Variants in AKNA observed in about 807,000 individuals in gnomAD.
AKNA encodes the protein microtubule organization protein AKNA.
A neutral mutation model predicts 138.8 loss-of-function variants in AKNA; 67 were observed. The ratio of observed to expected loss-of-function variants is 0.48; its 90% CI spans 0.40 to 0.59. The LOEUF (loss-of-function observed/expected upper bound fraction) is 0.59. Ranked by LOEUF, AKNA falls within the 20% of genes least tolerant of loss-of-function variation. The probability of loss-of-function intolerance (pLI) is 0.00; values close to 1 mark genes in which losing one functional copy is unlikely to be tolerated. For missense variants in AKNA, 1,813 were observed against 1,880.4 expected (o/e 0.96, Z 0.66); for synonymous variants, 737 against 754.4 (o/e 0.98, Z 0.38).
chr9:114,361,218 C>T (rs1159681186), intron 9 of AKNA, among the ~76,000 whole-genome samples: 1 of 152,180 alleles, frequency 6.6e-6, no homozygotes, highest in African/African-American at 2.4e-5. Flanking sequence ...TTTTTCCTTT[C>T]TCTTCCCATA....
Position 114,356,077 on chromosome 9 carries a change from T to C in AKNA, c.2906A>G (p.Tyr969Cys), listed in dbSNP as rs1256673635. Reference sequence around the variant, plus strand: ...AATCAGAGAACCCCTGGCCTTGGGGTAGGAAGCTCCATCCCTGGGCACAGA... The same window carrying C: ...AATCAGAGAACCCCTGGCCTTGGGGCAGGAAGCTCCATCCCTGGGCACAGA... ...AASVPRDGAS[Y>C]PKARGSLIPR... is the part of the protein sequence containing the mutation. The change falls in exon 14 of 22, where the codon TAC (tyrosine) becomes TGC (cysteine). Residue 969 changes from tyrosine to cysteine, a missense_variant. Transcript: ENST00000374088. 6.2e-7 allele frequency: 1 copy of C among 1,614,006 alleles called. No individual in the cohort carries two copies. The highest frequency in any genetic ancestry group is 1.7e-5 in the Admixed American group (1 of 59,998).
At chr9:114,362,605 A>G (rs1216025459) in intron 7 of AKNA, 72 bp from the exon 8 acceptor site, 2 of 1,524,352 alleles carry the variant, frequency 1.3e-6, no homozygotes, top group Non-Finnish European at 8.8e-7. Flanking sequence ...GACACAGTGG[A>G]TGAGACAGCT....
chr9:114,330,702 C>A, downstream of AKNA: 9 of 1,597,192 alleles, frequency 5.6e-6, no homozygotes, highest in East Asian at 2.2e-5. Context: ...TTAATCTCCA[C>A]CAGACTCTTG....
downstream of AKNA, among the ~76,000 whole-genome samples, chr9:114,331,276 T>C (rs562072398): frequency 2.8e-4 from 42 of 152,154 alleles, no homozygotes; most frequent in Admixed American, 9.2e-4. Flanking sequence ...TGAACTGACA[T>C]CATTTAGCAT....
chr9:114,380,981 C>CAAAA lies in AKNA; in HGVS notation c.274+75_274+78dup, dbSNP rs34055519. 1.1e-4 allele frequency: 117 copies of CAAAA among 1,110,228 alleles called. No homozygotes were observed. In the African/African-American group the frequency reaches 1.2e-3, roughly 11 times the overall value. The allele number at this position is 1,110,228 out of a possible 1,614,324, so 68.8% of individuals were successfully genotyped here. A position where few individuals can be genotyped will look rare whatever the true frequency, so the allele number is the denominator to read the frequency against. ...CTGGCAATGAAGCAAGACTCTGTCTCAAAAAAAAAAAAAAAAAAAAGAACG... is the reference window on the plus strand; with the variant it reads ...CTGGCAATGAAGCAAGACTCTGTCTCAAAAAAAAAAAAAAAAAAAAAAAAGAACG... On this transcript the variant is annotated intron_variant, in intron 2 of 21. Coordinates refer to ENST00000374088, the MANE Select transcript of AKNA (RefSeq NM_001317950.2).
chr9:114,358,533 G>A (rs1831672011), intron 11 of AKNA, among the ~76,000 whole-genome samples: 1 of 152,080 alleles, frequency 6.6e-6, no homozygotes, highest in Admixed American at 6.6e-5. Context: ...CAGAAGATCA[G>A]TGTGTCATGT....
In AKNA at chr9:114,360,030, G is replaced by A. The variant is rs756506715; in HGVS notation, c.2157C>T (p.Gly719=). Reference sequence around the variant, plus strand: ...CCACATTTACGTGCAATGGGCAGGGGCCAGTGCTGGCGGCGGCAGTGGTGG... The same window carrying A: ...CCACATTTACGTGCAATGGGCAGGGACCAGTGCTGGCGGCGGCAGTGGTGG... ...PATTTAAAST[G]PCPLHVNVEV... is the part of the protein sequence containing the mutation. The change falls in exon 10 of 22, where the codon GGC becomes GGT. Residue 719 remains glycine (G), a synonymous_variant. Coordinates refer to ENST00000374088, the MANE Select transcript of AKNA (RefSeq NM_001317950.2). The A allele has an allele frequency of 8.1e-6, 13 of 1,614,114 alleles. No homozygotes were observed. The African/African-American group carries it at 9.3e-5, about 12-fold the overall frequency.
At chr9:114,341,789 G>A in intron 20 of AKNA, 64 bp from the exon 21 acceptor site, 2 of 1,502,454 alleles carry the variant, frequency 1.3e-6, no homozygotes, top group Non-Finnish European at 1.8e-6. Context: ...AGCCAAAGAT[G>A]GAGGGTCCAC....
Position 114,372,964 on chromosome 9 carries a change from CGGGGGG to C in AKNA, c.1416+1123_1416+1128del, listed in dbSNP as rs558347748. 7.7e-5 allele frequency among the ~76,000 whole-genome samples: 2 copies of C among 26,122 alleles called. 1 individual carries two copies. The highest frequency in any genetic ancestry group is 1.5e-4 in the Non-Finnish European group (2 of 13,000). The allele number at this position is 26,122 out of a possible 152,430, so 17.1% of individuals were successfully genotyped here. ...CCAGGCAGCAGGTGTGGGGACGCAGCGGGGGGGGGGGGGGTCCTGGTCCTAGAACAG... is the reference window on the plus strand; with the variant it reads ...CCAGGCAGCAGGTGTGGGGACGCAGCGGGGGGGGTCCTGGTCCTAGAACAG... On this transcript the variant is annotated intron_variant, in intron 4 of 21. Transcript: ENST00000374088.
chr9:114,379,977 CCT>C (rs1282748756), intron 2 of AKNA, among the ~76,000 whole-genome samples: 1 of 151,914 alleles, frequency 6.6e-6, no homozygotes, highest in Admixed American at 6.6e-5. Context: ...ACTGTGAGAC[CCT>C]GTCTCTACAA....
chr9:114,360,803 T>G (rs1335984169), intron 9 of AKNA, among the ~76,000 whole-genome samples: 2 of 152,142 alleles, frequency 1.3e-5, no homozygotes, highest in Non-Finnish European at 2.9e-5. Flanking sequence ...TACACTCAAT[T>G]TGCTCGCCTG....
chr9:114,351,992 A>G (rs1041607194), intron 14 of AKNA, among the ~76,000 whole-genome samples: 2 of 152,264 alleles, frequency 1.3e-5, no homozygotes, highest in African/African-American at 4.8e-5. Flanking sequence ...TACATAGTAT[A>G]TGATTCTATT....
intron 2 of AKNA, among the ~76,000 whole-genome samples, chr9:114,380,025 C>A (rs1833524560): frequency 6.6e-6 from 1 of 152,006 alleles, no homozygotes; most frequent in African/African-American, 2.4e-5. Context: ...GTGGCATGCA[C>A]CTGTAGTCCC....
rs1554842042 is a variant in AKNA, at chr9:114,372,964, C to CTG, written c.1416+1128_1416+1129insCA. ...CCAGGCAGCAGGTGTGGGGACGCAG[C>CTG]GGGGGGGGGGGGGGTCCTGGTCCTA... On this transcript the variant is annotated intron_variant, in intron 4 of 21. Transcript: ENST00000374088. Among the ~76,000 whole-genome samples, 7 of 26,164 alleles carry CTG rather than the reference C, an allele frequency of 2.7e-4. No individual in the cohort carries two copies. The East Asian group carries it at 0.01, about 37-fold the overall frequency. 17.2% of individuals were successfully genotyped at this position (26,164 alleles called of 152,430 possible).
intron 4 of AKNA, 126 bp from the exon 5 acceptor site, chr9:114,368,721 G>A (rs1832557876): frequency 2.0e-5 from 17 of 863,614 alleles, no homozygotes; most frequent in Non-Finnish European, 1.6e-6. Context: ...TTTCAGTGCA[G>A]CCCTTGGCTA....
rs1396763167 is a variant in AKNA, at chr9:114,362,482, T to G, written c.1840A>C (p.Lys614Gln). 2 of 1,613,340 alleles carry G rather than the reference T, an allele frequency of 1.2e-6. No homozygotes were observed. The highest frequency in any genetic ancestry group is 1.7e-6 in the Non-Finnish European group (2 of 1,179,820). Reference sequence around the variant, plus strand: ...GCAGGGTGTTGCTCCCGACAAGCCTTCAGGTACTCCTCCTCTAGGGCCGCG... The same window carrying G: ...GCAGGGTGTTGCTCCCGACAAGCCTGCAGGTACTCCTCCTCTAGGGCCGCG... ...AHAALEEEYL[K>Q]ACREQHPAQP... The change falls in exon 8 of 22, where the codon AAG becomes CAG. Residue 614 changes from lysine (K) to glutamine (Q), a missense_variant. Transcript: ENST00000374088.
intron 6 of AKNA, 53 bp downstream of exon 6, chr9:114,367,490 G>A (rs1832448536): frequency 6.3e-7 from 1 of 1,596,610 alleles, no homozygotes; most frequent in South Asian, 1.1e-5. Flanking sequence ...CAGAGGTTCT[G>A]TGTTCTCCAG....
intron 8 of AKNA, 91 bp from the exon 9 acceptor site, chr9:114,362,002 G>T (rs1832005906): frequency 1.5e-6 from 2 of 1,350,368 alleles, no homozygotes; most frequent in Non-Finnish European, 2.0e-6. Context: ...AGACTCCAGG[G>T]GATGCCCCCT....
chr9:114,383,719 A>G (rs1005987234), intron 1 of AKNA, among the ~76,000 whole-genome samples: 2 of 152,136 alleles, frequency 1.3e-5, no homozygotes, highest in African/African-American at 2.4e-5. Context: ...ATCCTGCTTG[A>G]TTTGTGTGGC....
Sources: gnomAD v4.1 joint callset for allele counts (sites outside exome capture counted in the v4.1 genomes callset) on GRCh38, gnomAD v4.1.1 for gene constraint, MANE v1.5 for transcripts, NCBI Gene and HGNC (gene_info 2026-07-23, HGNC 2026-07-21) for gene names.